The following FGGY variants were observed in gnomAD, a reference collection of about 807,000 sequenced individuals.
FGGY encodes FGGY carbohydrate kinase domain-containing protein.
A neutral mutation model predicts 71.3 loss-of-function variants in FGGY; 72 were observed. The ratio of observed to expected loss-of-function variants is 1.01; its 90% confidence interval spans 0.84 to 1.23. FGGY has a LOEUF of 1.23. FGGY is among the 50% of genes most tolerant of loss of function. The probability of loss-of-function intolerance (pLI) is 0.00; values close to 1 mark genes in which losing one functional copy is unlikely to be tolerated. For synonymous variants in FGGY, 251 were observed against 250.3 expected (o/e 1.00, Z -0.02); for missense variants, 668 against 682.3 (o/e 0.98, Z 0.23).
chr1:59,320,113 G>A (rs901092049), intron 1 of FGGY, among the ~76,000 whole-genome samples: 12 of 152,140 alleles, frequency 7.9e-5, no homozygotes, highest in Non-Finnish European at 2.9e-5. Context: ...TCCTATGAAC[G>A]GAGCAAATGT....
chr1:59,697,383 TTCTAC>T (rs1280521330), intron 14 of FGGY, among the ~76,000 whole-genome samples: 1 of 152,116 alleles, frequency 6.6e-6, no homozygotes, highest in East Asian at 1.9e-4. Context: ...GCAACCACCA[TTCTAC>T]TTTCTGTCTC....
At chr1:59,720,438 G>T (rs570917399) in intron 14 of FGGY, among the ~76,000 whole-genome samples, 2 of 152,190 alleles carry the variant, frequency 1.3e-5, no homozygotes, top group East Asian at 3.9e-4. Context: ...GAAATGAGAG[G>T]TTGAGCCAAT....
chr1:59,386,689 G>A (rs915257923), intron 5 of FGGY, among the ~76,000 whole-genome samples: 3 of 152,004 alleles, frequency 2.0e-5, no homozygotes, highest in African/African-American at 7.2e-5. Flanking sequence ...GATTTGTCTT[G>A]TCTCAGTTCA....
At chr1:59,673,327 T>C (rs915817627) in intron 13 of FGGY, among the ~76,000 whole-genome samples, 1 of 152,092 alleles carries the variant, frequency 6.6e-6, no homozygotes, top group Non-Finnish European at 1.5e-5. Flanking sequence ...GCAATTAGCA[T>C]GTGGGCATCT....
At chr1:59,320,331 AT>A (rs1233052210) in intron 1 of FGGY, among the ~76,000 whole-genome samples, 3 of 152,182 alleles carry the variant, frequency 2.0e-5, no homozygotes, top group Non-Finnish European at 4.4e-5. Context: ...CAGAATCTCC[AT>A]GTTTGACTTG....
intron 4 of FGGY, among the ~76,000 whole-genome samples, chr1:59,347,253 C>G (rs11485609): frequency 7.9e-6 from 1 of 126,702 alleles, no homozygotes; most frequent in African/African-American, 2.9e-5. Flanking sequence ...CCCCTCCCCC[C>G]ACCCCACAAC....
At chr1:59,422,565 C>G (rs140298100) in intron 5 of FGGY, among the ~76,000 whole-genome samples, 9 of 151,666 alleles carry the variant, frequency 5.9e-5, no homozygotes, top group Non-Finnish European at 1.3e-4. Flanking sequence ...TGAGGTAGTG[C>G]GTGCCTTTAG....
intron 9 of FGGY, among the ~76,000 whole-genome samples, chr1:59,617,215 G>A (rs375444358): frequency 1.3e-4 from 20 of 151,438 alleles, no homozygotes; most frequent in Admixed American, 6.6e-4. Context: ...CATAAGAGAC[G>A]GGAAGTGAGA....
intron 5 of FGGY, among the ~76,000 whole-genome samples, chr1:59,433,301 T>C (rs1171539931): frequency 2.0e-5 from 3 of 152,158 alleles, no homozygotes; most frequent in Non-Finnish European, 2.9e-5. Flanking sequence ...GGAGACAAAA[T>C]GTCCCTGATT....
intron 10 of FGGY, among the ~76,000 whole-genome samples, chr1:59,627,971 G>A (rs140166405): frequency 2.0e-5 from 3 of 152,280 alleles, no homozygotes; most frequent in East Asian, 1.9e-4. Flanking sequence ...ATTAATAAAT[G>A]TAGAAGAAAT....
chr1:59,757,627 C>A (rs1441004176), intron 14 of FGGY, among the ~76,000 whole-genome samples: 1 of 152,148 alleles, frequency 6.6e-6, no homozygotes. Context: ...TTCCCACTTA[C>A]CCCTGGAGGC....
chr1:59,703,172 C>T (rs183966795), intron 14 of FGGY, among the ~76,000 whole-genome samples: 1 of 152,238 alleles, frequency 6.6e-6, no homozygotes, highest in African/African-American at 2.4e-5. Context: ...CATAATTATT[C>T]CTGCAGCCCT....
intron 14 of FGGY, among the ~76,000 whole-genome samples, chr1:59,745,643 G>A (rs574286312): frequency 1.0e-3 from 153 of 152,304 alleles, no homozygotes; most frequent in Non-Finnish European, 1.3e-3. Flanking sequence ...GTAGCCATAA[G>A]TGAAGCATAT....
intron 8 of FGGY, among the ~76,000 whole-genome samples, chr1:59,556,843 G>A (rs925756612): frequency 6.6e-6 from 1 of 152,138 alleles, no homozygotes; most frequent in Non-Finnish European, 1.5e-5. Flanking sequence ...GCAACTGTTT[G>A]GGCTTTAACG....
chr1:59,536,922 T>C (rs1324873871), intron 7 of FGGY, among the ~76,000 whole-genome samples: 1 of 151,978 alleles, frequency 6.6e-6, no homozygotes, highest in Non-Finnish European at 1.5e-5. Context: ...AAGCATTCCC[T>C]TTGAAAACTG....
intron 14 of FGGY, 25 bp from the exon 15 acceptor site, chr1:59,757,906 G>A (rs369023008): frequency 1.3e-5 from 21 of 1,594,562 alleles, no homozygotes; most frequent in Middle Eastern, 3.3e-4. Flanking sequence ...CAACTCAGCT[G>A]TCTATGTTGT....
chr1:59,724,350 G>A (rs2097922140), intron 14 of FGGY, among the ~76,000 whole-genome samples: 1 of 151,868 alleles, frequency 6.6e-6, no homozygotes, highest in South Asian at 2.1e-4. Flanking sequence ...CAGGCATGGT[G>A]GCAGGTGCCT....
chr1:59,296,646 TTTACAGGGGCCGC>T (rs1557463896), upstream of FGGY: 11,349 of 138,994 alleles, frequency 0.082, 221 homozygotes, highest in Non-Finnish European at 0.096. Context: ...CAGGCCGCGC[TTTACAGGGGCCGC>T]GCTTTACAGG....
chr1:59,614,210 G>C (rs1296575015), intron 9 of FGGY, among the ~76,000 whole-genome samples: 1 of 152,118 alleles, frequency 6.6e-6, no homozygotes, highest in Non-Finnish European at 1.5e-5. Context: ...GAGAATTTTA[G>C]ACCAATATCC....
Sources: gnomAD v4.1 joint callset for allele counts (sites outside exome capture counted in the v4.1 genomes callset) on GRCh38, gnomAD v4.1.1 for gene constraint, MANE v1.5 for transcripts, NCBI Gene and HGNC (gene_info 2026-07-23, HGNC 2026-07-21) for gene names.